Variants in LIMCH1 observed in about 807,000 individuals in gnomAD.
LIMCH1 encodes the protein LIM and calponin homology domains 1.
LIMCH1 carries 113 observed loss-of-function variants against 176.5 expected under a neutral mutation model. The ratio of observed to expected loss-of-function variants is 0.64; its 90% CI spans 0.55 to 0.75. LIMCH1 has a LOEUF of 0.75. Ranked by LOEUF, LIMCH1 falls within the 30% of genes least tolerant of loss-of-function variation. The probability of loss-of-function intolerance (pLI) is 0.00; values close to 1 mark genes in which losing one functional copy is unlikely to be tolerated. For synonymous variants in LIMCH1, 619 were observed against 645.9 expected (o/e 0.96, Z 0.63); for missense variants, 1,674 against 1,814.9 (o/e 0.92, Z 1.41).
Position 41,638,936 on chromosome 4 carries a change from G to C in LIMCH1, c.2095G>C (p.Gly699Arg), listed in dbSNP as rs762741999. 3 of 1,603,658 alleles carry C rather than the reference G, an allele frequency of 1.9e-6. No homozygotes were observed. Among genetic ancestry groups the C allele is most frequent in the Non-Finnish European group, 2.5e-6 (3 of 1,176,506 alleles). ...ATTTTTTATTTGATCTTATAGATAC[G>C]GTCCGAGAACTCCTGTGTCTGATGA... ...KGLPMKDQRY[G>R]PRTPVSDDAE... The change falls in exon 14 of 32, where the codon GGT (glycine) becomes CGT (arginine). Residue 699 changes from glycine to arginine, a missense_variant. Gly to Arg is a moderately radical substitution (Grantham distance 125, BLOSUM62 -2). This residue lies in a region of LIMCH1 where 1,015 missense variants were observed against 1,102.5 expected (regional missense o/e 0.92). Transcript: ENST00000503057.
chr4:41,477,754 C>T (rs1455533071), intron 1 of LIMCH1, among the ~76,000 whole-genome samples: 3 of 152,142 alleles, frequency 2.0e-5, no homozygotes, highest in Admixed American at 6.6e-5. Flanking sequence ...AGGGGCACTG[C>T]GGTCAGTCCC....
intron 1 of LIMCH1, among the ~76,000 whole-genome samples, chr4:41,591,238 T>G (rs60457352): frequency 1.4e-5 from 2 of 139,864 alleles, no homozygotes; most frequent in African/African-American, 6.7e-5. Flanking sequence ...TTTCTTTCTT[T>G]CTTTCTTGCT....
intron 1 of LIMCH1, among the ~76,000 whole-genome samples, chr4:41,568,993 C>T (rs2083149695): frequency 6.6e-6 from 1 of 151,218 alleles, no homozygotes; most frequent in African/African-American, 2.5e-5. Context: ...AGAAATGTCT[C>T]ATATAATTAA....
rs1276322981 is a variant in LIMCH1 at position 41,619,290 on chromosome 4, C to T, written c.308C>T (p.Ser103Leu). The change falls in exon 6 of 32, where the codon TCA (serine) becomes TTA (leucine). Residue 103 changes from serine (S) to leucine (L), a missense_variant. Physicochemically the swap from Ser to Leu is moderately radical, Grantham distance 145. Transcript: ENST00000503057. ...ARRTSHGEPK[S>L]AVPFNQYLPN... is the part of the protein sequence containing the mutation. The stretch of plus-strand genomic sequence containing the variant: ...CGGACTTCCCATGGTGAGCCGAAAT[C>T]AGCAGTGCCTTTTAACCAGTACCTC... 1 of 1,614,226 alleles carries T rather than the reference C, an allele frequency of 6.2e-7. No individual in the cohort carries two copies.
chr4:41,503,004 TCCATCC>T (rs1561567678), intron 2 of LIMCH1, among the ~76,000 whole-genome samples: 43 of 147,226 alleles, frequency 2.9e-4, no homozygotes, highest in South Asian at 1.9e-3. Flanking sequence ...TGTCTGTCCA[TCCATCC>T]ATCCATCCAT....
At chr4:41,460,458 C>T (rs55642787) in intron 1 of LIMCH1, among the ~76,000 whole-genome samples, 1 of 110,546 alleles carries the variant, frequency 9.0e-6, no homozygotes, top group African/African-American at 4.0e-5. Flanking sequence ...TAGTAATCAT[C>T]TATATATATA....
chr4:41,637,933 G>A (rs182830117), intron 13 of LIMCH1, among the ~76,000 whole-genome samples: 131 of 152,230 alleles, frequency 8.6e-4, no homozygotes, highest in African/African-American at 7.7e-4. Context: ...TTTTGCTGCC[G>A]ACTCCAAAAT....
intron 15 of LIMCH1, 109 bp downstream of exon 15, chr4:41,644,735 A>G: frequency 1.5e-6 from 2 of 1,359,626 alleles, no homozygotes; most frequent in East Asian, 2.6e-5. Context: ...GGGAGCCCCT[A>G]GAGGGTTTCA....
intron 31 of LIMCH1, among the ~76,000 whole-genome samples, chr4:41,694,020 C>T (rs779436327): frequency 6.6e-6 from 1 of 152,118 alleles, no homozygotes; most frequent in African/African-American, 2.4e-5. Context: ...TAATTCAAGA[C>T]CAGGAATTTT....
intron 4 of LIMCH1, chr4:41,613,108 T>C: frequency 1.9e-6 from 3 of 1,552,014 alleles, no homozygotes; most frequent in Non-Finnish European, 2.6e-6. Context: ...GGTTAAGGTT[T>C]TGGTTTTTCG....
At chr4:41,485,167 G>C (rs1470945787) in intron 1 of LIMCH1, among the ~76,000 whole-genome samples, 1 of 152,072 alleles carries the variant, frequency 6.6e-6, no homozygotes, top group Non-Finnish European at 1.5e-5. Context: ...TTATTTGGAT[G>C]GTTCAGAGCA....
At chr4:41,457,707 C>T (rs1383528354) in intron 1 of LIMCH1, among the ~76,000 whole-genome samples, 1 of 152,104 alleles carries the variant, frequency 6.6e-6, no homozygotes, top group Non-Finnish European at 1.5e-5. Context: ...TTGGACAAAG[C>T]CATGGCCTTT....
In LIMCH1 at chr4:41,487,814, G is replaced by A. The variant is rs7690672; in HGVS notation, c.97-6722G>A. On this transcript the variant is annotated intron_variant, in intron 1 of 26. Coordinates refer to the LIMCH1 transcript ENST00000313860. ...ACTACAGGCACCTGCCACCACGCCC[G>A]GCTAATTTTTTGTATTTTTAGTAGA... 5.2e-3 allele frequency among the ~76,000 whole-genome samples: 785 copies of A among 151,356 alleles called. 3 individuals carry two copies. The highest frequency in any genetic ancestry group is 0.018 in the African/African-American group (729 of 41,324).
intron 2 of LIMCH1, among the ~76,000 whole-genome samples, chr4:41,497,234 C>T (rs2072336451): frequency 2.0e-5 from 3 of 151,956 alleles, no homozygotes; most frequent in East Asian, 1.9e-4. Flanking sequence ...GAGTTGAATC[C>T]ACTCTAAATG....
At chr4:41,638,880 A>C in intron 13 of LIMCH1, 52 bp from the exon 14 acceptor site, 1 of 1,470,996 alleles carries the variant, frequency 6.8e-7, no homozygotes. Context: ...GCTTGCTTAC[A>C]GTGTTCACTT....
intron 1 of LIMCH1, among the ~76,000 whole-genome samples, chr4:41,398,072 C>T (rs2057999508): frequency 6.6e-6 from 1 of 151,490 alleles, no homozygotes; most frequent in East Asian, 1.9e-4. Flanking sequence ...CCAGATTCAT[C>T]ACAGCTATTC....
intron 3 of LIMCH1, among the ~76,000 whole-genome samples, chr4:41,531,517 T>C (rs28513452): frequency 0.36 from 25,290 of 70,254 alleles, 2,293 homozygotes; most frequent in African/African-American, 0.46. Flanking sequence ...CACACACACA[T>C]ACACACCTTA....
chr4:41,671,072 A>G (rs77017164), intron 21 of LIMCH1: 5 of 774,566 alleles, frequency 6.5e-6, no homozygotes, highest in South Asian at 5.9e-5. Flanking sequence ...AAAAAAAAAA[A>G]AGATTAAAAG....
chr4:41,502,544 T>G (rs2073488239), intron 2 of LIMCH1, among the ~76,000 whole-genome samples: 1 of 152,206 alleles, frequency 6.6e-6, no homozygotes, highest in South Asian at 2.1e-4. Context: ...AAAGCATTCC[T>G]TTTTCTCTGC....
Sources: allele counts gnomAD v4.1 joint callset (sites outside exome capture counted in the v4.1 genomes callset), GRCh38; gene constraint gnomAD v4.1.1; regional missense constraint gnomAD v4.1.1; transcripts MANE v1.5; gene names NCBI Gene and HGNC (gene_info 2026-07-23, HGNC 2026-07-21).